Variants in CNTN4 observed in about 807,000 individuals in gnomAD.
CNTN4 encodes the protein contactin-4.
A neutral mutation model predicts 122.5 loss-of-function variants in CNTN4; 77 were observed. The ratio of observed to expected loss-of-function variants is 0.63; its 90% CI spans 0.52 to 0.76. The LOEUF is 0.76. Ranked by LOEUF, CNTN4 falls within the 30% of genes least tolerant of loss-of-function variation. The probability of loss-of-function intolerance (pLI) is 0.00; values close to 1 mark genes in which losing one functional copy is unlikely to be tolerated. For synonymous variants in CNTN4, 512 were observed against 447.0 expected, an observed-to-expected ratio of 1.15 and a Z score of -1.83; for missense variants, 1,256 against 1,259.1, an observed-to-expected ratio of 1.00 and a Z score of 0.04.
chr3:2,880,171 C>A lies in CNTN4; in HGVS notation c.653-2974C>A, dbSNP rs1299374037. On this transcript the variant is annotated intron_variant, in intron 8 of 24. Coordinates refer to ENST00000418658, the MANE Select transcript of CNTN4 (RefSeq NM_175607.3). Reference sequence around the variant, plus strand: ...TGCTCCTTGGTGGAATTTTCATGATCAGATTAAATAAACACAATTTTATAT... The same window carrying A: ...TGCTCCTTGGTGGAATTTTCATGATAAGATTAAATAAACACAATTTTATAT... Among the ~76,000 whole-genome samples the A allele has an allele frequency of 2.0e-5, 3 of 152,164 alleles. No individual in the cohort carries two copies. In the South Asian group the frequency reaches 6.2e-4, roughly 32 times the overall value.
chr3:2,150,093 A>G (rs978883100), intron 2 of CNTN4, among the ~76,000 whole-genome samples: 4 of 152,062 alleles, frequency 2.6e-5, no homozygotes, highest in Non-Finnish European at 5.9e-5. Context: ...TTAGCACCAT[A>G]CTTGACACAT....
chr3:2,958,796 G>A (rs1376517981), intron 13 of CNTN4, among the ~76,000 whole-genome samples: 1 of 152,104 alleles, frequency 6.6e-6, no homozygotes, highest in Non-Finnish European at 1.5e-5. Flanking sequence ...GTTGGAGAGG[G>A]GTATTCTGGG....
intron 3 of CNTN4, among the ~76,000 whole-genome samples, chr3:2,367,571 C>T (rs1297568949): frequency 6.6e-6 from 1 of 152,162 alleles, no homozygotes; most frequent in Non-Finnish European, 1.5e-5. Flanking sequence ...GTTGCCCAGG[C>T]TAGAGTGCAA....
At chr3:2,741,673 A>G (rs1272933115) in intron 5 of CNTN4, among the ~76,000 whole-genome samples, 1 of 152,236 alleles carries the variant, frequency 6.6e-6, no homozygotes, top group Admixed American at 6.5e-5. Context: ...AGGTACACAC[A>G]TGATGAGTTA....
rs138775748 is a variant in CNTN4 at position 2,302,624 on chromosome 3, T to C, written c.-144-36554T>C. Among the ~76,000 whole-genome samples the C allele has an allele frequency of 6.6e-5, 10 of 152,328 alleles. No homozygotes were observed. The East Asian group carries it at 1.9e-3, about 29-fold the overall frequency. ...CCCGCCTGAAAATCTGTGAGCCAGA[T>C]AGTAATAATTAACTTCTACCTCTAC... On this transcript the variant is annotated intron_variant, in intron 2 of 24. Transcript: ENST00000418658.
intron 3 of CNTN4, among the ~76,000 whole-genome samples, chr3:2,388,874 C>T (rs1442822700): frequency 4.6e-5 from 7 of 150,910 alleles, no homozygotes; most frequent in African/African-American, 1.5e-4. Flanking sequence ...AAACGAAAAC[C>T]AGGCCAGGCG....
chr3:3,031,206 T>A (rs942725827), intron 16 of CNTN4, among the ~76,000 whole-genome samples: 1 of 152,206 alleles, frequency 6.6e-6, no homozygotes, highest in African/African-American at 2.4e-5. Flanking sequence ...ACTAGAAGGA[T>A]AATTGAGTAA....
At chr3:2,362,357 C>T (rs1314066070) in intron 3 of CNTN4, 1 of 313,652 alleles carries the variant, frequency 3.2e-6, no homozygotes, top group East Asian at 9.3e-5. Context: ...GTAGGTGTGA[C>T]TGGTGGGAAT....
intron 2 of CNTN4, among the ~76,000 whole-genome samples, chr3:2,289,591 G>A (rs1324874711): frequency 6.6e-6 from 1 of 152,188 alleles, no homozygotes; most frequent in East Asian, 1.9e-4. Context: ...GAGGAAGATT[G>A]GATTACATAA....
chr3:2,174,925 C>T (rs2036683459), intron 2 of CNTN4, among the ~76,000 whole-genome samples: 1 of 152,036 alleles, frequency 6.6e-6, no homozygotes, highest in African/African-American at 2.4e-5. Flanking sequence ...AAGGACAGCA[C>T]GAAGCCATGA....
intron 14 of CNTN4, among the ~76,000 whole-genome samples, chr3:3,000,880 C>CTTT (rs59337830): frequency 8.4e-5 from 11 of 131,502 alleles, no homozygotes; most frequent in African/African-American, 1.9e-4. Flanking sequence ...TTCTTTCTTT[C>CTTT]TTTTTTTTTT....
At chr3:2,151,880 C>G (rs1178648062) in intron 2 of CNTN4, among the ~76,000 whole-genome samples, 1 of 152,130 alleles carries the variant, frequency 6.6e-6, no homozygotes, top group African/African-American at 2.4e-5. Flanking sequence ...ACTTCTCAGC[C>G]TTCATAACTG....
chr3:2,789,456 A>G (rs1213656592), intron 6 of CNTN4, among the ~76,000 whole-genome samples: 3 of 152,192 alleles, frequency 2.0e-5, no homozygotes, highest in African/African-American at 7.2e-5. Context: ...CTTTTGAGAC[A>G]GAGTCTTGCT....
At chr3:2,795,242 A>G (rs148958708) in intron 6 of CNTN4, among the ~76,000 whole-genome samples, 1 of 152,182 alleles carries the variant, frequency 6.6e-6, no homozygotes, top group East Asian at 1.9e-4. Context: ...AATTAGGCAG[A>G]TTAAATACCA....
intron 2 of CNTN4, among the ~76,000 whole-genome samples, chr3:2,251,158 A>C (rs1183259695): frequency 6.6e-6 from 1 of 151,918 alleles, no homozygotes; most frequent in African/African-American, 2.4e-5. Flanking sequence ...TCTGTTGTTA[A>C]TTTCGTGATA....
In CNTN4 at chr3:3,043,135, A is replaced by G; in HGVS notation, c.2670A>G (p.Ala890=). 1 of 1,614,196 alleles carries G rather than the reference A, an allele frequency of 6.2e-7. No homozygotes were observed. The highest frequency in any genetic ancestry group is 8.5e-7 in the Non-Finnish European group (1 of 1,180,030). Residue 890 remains alanine (A), a synonymous_variant, in exon 22 of 25, where the codon GCA becomes GCG. Coordinates refer to ENST00000418658, the MANE Select transcript of CNTN4 (RefSeq NM_175607.3). ...YNSAGTGPSS[A]TVNVTTRKPP... is the part of the protein sequence containing the mutation. Reference sequence around the variant, plus strand: ...CTGCTGGGACAGGCCCCTCTAGTGCAACAGTCAATGTGACAACCCGAAAGC... The same window carrying G: ...CTGCTGGGACAGGCCCCTCTAGTGCGACAGTCAATGTGACAACCCGAAAGC...
At chr3:2,264,811 G>C (rs1448083461) in intron 2 of CNTN4, among the ~76,000 whole-genome samples, 1 of 152,002 alleles carries the variant, frequency 6.6e-6, no homozygotes, top group East Asian at 1.9e-4. Flanking sequence ...TGAAAGATGA[G>C]AATCTAGTTT....
At chr3:2,387,469 T>C (rs2046293740) in intron 3 of CNTN4, among the ~76,000 whole-genome samples, 1 of 152,222 alleles carries the variant, frequency 6.6e-6, no homozygotes, top group Non-Finnish European at 1.5e-5. Flanking sequence ...GTTTTGACTA[T>C]GATGTTACAT....
At chr3:2,381,248 C>T (rs1317784266) in intron 3 of CNTN4, among the ~76,000 whole-genome samples, 3 of 152,132 alleles carry the variant, frequency 2.0e-5, no homozygotes, top group African/African-American at 7.2e-5. Flanking sequence ...CCTCGTGATC[C>T]ACCCGCCTCG....
Sources: gnomAD v4.1 joint callset for allele counts (sites outside exome capture counted in the v4.1 genomes callset) on GRCh38, gnomAD v4.1.1 for gene constraint, MANE v1.5 for transcripts, NCBI Gene and HGNC (gene_info 2026-07-23, HGNC 2026-07-21) for gene names.